The following SMARCA4 variants were observed in gnomAD, a reference collection of about 807,000 sequenced individuals.
The protein encoded by SMARCA4 is SWI/SNF-related matrix-associated actin-dependent regulator of chromatin subfamily A member 4.
Under a neutral mutation model 193.9 loss-of-function variants are expected in SMARCA4, and 31 were observed. The ratio of observed to expected loss-of-function variants is 0.16; its 90% CI spans 0.12 to 0.22. The LOEUF (loss-of-function observed/expected upper bound fraction) is 0.22. Among genes scored for constraint, SMARCA4 ranks in the 10% least tolerant of loss-of-function variants. The pLI, the probability that SMARCA4 is intolerant of heterozygous loss-of-function variation, is 1.00. For synonymous variants in SMARCA4, 942 were observed against 933.1 expected (o/e 1.01, Z -0.17); for missense variants, 1,148 against 2,296.0 (o/e 0.50, Z 10.22).
In SMARCA4 at chr19:11,041,437, A is replaced by G. The variant is rs777893871; in HGVS notation, c.4301A>G (p.Asp1434Gly). ...PTTSTRSRDK[D>G]DESKKQKKRG... ...ACCAGCACCCGCAGCCGCGACAAGG[A>G]CGACGAGAGCAAGAAGCAGAAGAAG... Residue 1434 changes from aspartate (D) to glycine (G), a missense_variant, in exon 30 of 35, where the codon GAC (aspartate) becomes GGC (glycine). Around this residue, in one of 17 missense-constraint regions of SMARCA4, gnomAD observed 141 missense variants for 193.0 expected, o/e 0.73. Coordinates refer to ENST00000344626, the MANE Select transcript of SMARCA4 (RefSeq NM_003072.5). The surrounding 1 kb of genome is among the most constrained non-coding windows in gnomAD (Gnocchi z 5.6). 1 of 1,612,632 alleles carries G rather than the reference A, an allele frequency of 6.2e-7. No homozygotes were observed. Among genetic ancestry groups the G allele is most frequent in the Non-Finnish European group, 8.5e-7 (1 of 1,179,950 alleles).
At chr19:11,011,193 G>C (rs74686233) in intron 15 of SMARCA4, 2 of 153,452 alleles carry the variant, frequency 1.3e-5, no homozygotes, top group Non-Finnish European at 1.4e-5. Flanking sequence ...CCAAAGAACA[G>C]CTCTCTCTGG....
In SMARCA4 at chr19:11,033,552, G is replaced by A. The variant is rs1225248953; in HGVS notation, c.3774+35G>A. On this transcript the variant is annotated intron_variant, in intron 26 of 34. Coordinates refer to ENST00000344626, the MANE Select transcript of SMARCA4 (RefSeq NM_003072.5). The surrounding 1 kb of genome is among the most constrained non-coding windows in gnomAD (Gnocchi z 9.8). ...GCACCGGCCCCGACCCCTCCCCAGC[G>A]TGAATGGTGGACGCGTGAGCGGCTT... 9.3e-6 allele frequency: 14 copies of A among 1,511,184 alleles called. No homozygotes were observed. The highest frequency in any genetic ancestry group is 4.5e-5 in the East Asian group (2 of 44,390). The allele number at this position is 1,511,184 out of a possible 1,614,324, so 93.6% of individuals were successfully genotyped here.
intron 1 of SMARCA4, chr19:10,965,185 G>C (rs1342123165): frequency 6.6e-6 from 1 of 152,250 alleles, no homozygotes; most frequent in East Asian, 1.9e-4. Context: ...TTGAGCGCCT[G>C]CCATGTGCCA....
chr19:10,973,894 A>G (rs1440165877), intron 1 of SMARCA4, among the ~76,000 whole-genome samples: 1 of 152,036 alleles, frequency 6.6e-6, no homozygotes, highest in Non-Finnish European at 1.5e-5. Flanking sequence ...TAGACCACCG[A>G]GGGGAACATT....
At chr19:11,013,778 G>T (rs1353509644) in intron 16 of SMARCA4, among the ~76,000 whole-genome samples, 2 of 152,170 alleles carry the variant, frequency 1.3e-5, no homozygotes, top group African/African-American at 4.8e-5. Flanking sequence ...GCAGTGCCCT[G>T]CAAGGGCCAC....
chr19:10,989,183 A>G (rs1412200027), intron 6 of SMARCA4, 134 bp from the exon 7 acceptor site: 1 of 1,132,652 alleles, frequency 8.8e-7, no homozygotes, highest in Non-Finnish European at 1.3e-6. Context: ...TGCGGCCAGC[A>G]TCCTCTTCTG....
At chr19:11,025,017 G>GA (rs1328237349) in intron 21 of SMARCA4, among the ~76,000 whole-genome samples, 1 of 144,600 alleles carries the variant, frequency 6.9e-6, no homozygotes, top group Non-Finnish European at 1.5e-5. Flanking sequence ...CCTCATCCTG[G>GA]AGCCCAGGGA....
At chr19:10,989,989 C>A (rs541543748) in intron 7 of SMARCA4, among the ~76,000 whole-genome samples, 1 of 151,866 alleles carries the variant, frequency 6.6e-6, no homozygotes, top group African/African-American at 2.4e-5. Context: ...TGAGCCACCA[C>A]GTGCTGTCCT....
intron 34 of SMARCA4, 63 bp downstream of exon 34, chr19:11,060,250 TG>T (rs1400764554): frequency 1.8e-5 from 28 of 1,539,816 alleles, no homozygotes; most frequent in Non-Finnish European, 1.8e-5. Context: ...GGGGCCCTGA[TG>T]GGACAGCCCT....
At chr19:11,005,775 A>T (rs1039093736) in intron 13 of SMARCA4, among the ~76,000 whole-genome samples, 1 of 152,228 alleles carries the variant, frequency 6.6e-6, no homozygotes, top group Non-Finnish European at 1.5e-5. Flanking sequence ...GGCCCACAGT[A>T]AAAGTGCTAC....
At chr19:11,056,371 A>C (rs1439705349) in intron 30 of SMARCA4, 2 of 152,260 alleles carry the variant, frequency 1.3e-5, no homozygotes, top group Non-Finnish European at 2.9e-5. Flanking sequence ...ATGGGAATGC[A>C]GTCTGAGAAG....
chr19:11,044,653 C>G (rs1276319582), intron 30 of SMARCA4, among the ~76,000 whole-genome samples: 2 of 152,232 alleles, frequency 1.3e-5, no homozygotes, highest in East Asian at 3.9e-4. Flanking sequence ...CTGAAGCAGT[C>G]TGGCCTCACA....
rs1292187087 is a variant in SMARCA4, at chr19:11,060,052, C to A, written c.4776C>A (p.Ser1592=). ...EEEGSESESR[S]VKVKIKLGRK... ...CCTCCCGGTCCCCTCCAGCTCGGTC[C>A]GTCAAAGTGAAGATCAAGCTTGGCC... The change falls in exon 34 of 35, where the codon TCC becomes TCA. Residue 1592 remains serine (S), a synonymous_variant. Coordinates refer to ENST00000344626, the MANE Select transcript of SMARCA4 (RefSeq NM_003072.5). The A allele has an allele frequency of 1.3e-6, 2 of 1,562,390 alleles. No individual in the cohort carries two copies. Among genetic ancestry groups the A allele is most frequent in the South Asian group, 1.2e-5 (1 of 85,098 alleles).
At chr19:11,008,459 C>A (rs1488892080) in intron 14 of SMARCA4, 8 of 317,738 alleles carry the variant, frequency 2.5e-5, no homozygotes, top group South Asian at 1.9e-4. Flanking sequence ...TTTCACTGAA[C>A]CTTCCCTCTT....
At chr19:11,060,788 C>G (rs1035886674) in intron 34 of SMARCA4, among the ~76,000 whole-genome samples, 5 of 152,222 alleles carry the variant, frequency 3.3e-5, no homozygotes, top group Non-Finnish European at 7.3e-5. Context: ...GGGGCTGCCC[C>G]CACCGAAGGG....
chr19:10,997,761 C>A (rs545287804), intron 11 of SMARCA4, among the ~76,000 whole-genome samples: 79 of 152,302 alleles, frequency 5.2e-4, no homozygotes, highest in African/African-American at 1.9e-3. Flanking sequence ...GCCCCCGCAC[C>A]TGGCCTTCAC....
chr19:10,998,115 G>A (rs2087258134), intron 11 of SMARCA4, among the ~76,000 whole-genome samples: 3 of 152,100 alleles, frequency 2.0e-5, no homozygotes, highest in African/African-American at 4.8e-5. Flanking sequence ...TTGAACTCCT[G>A]GGCTCAAGTG....
In SMARCA4 at chr19:11,058,697, C is replaced by T; in HGVS notation, c.4534-91C>T. ...CCACATCCTCATAGGCACGAGGAAT[C>T]CTAGCCCGTGGGGTCTCCAGCACAC... On this transcript the variant is annotated intron_variant, in intron 31 of 34. Transcript: ENST00000344626. This position sits in a 1 kb window ranked among gnomAD's most constrained non-coding sequence, Gnocchi z 5.8. 9.0e-7 allele frequency: 1 copy of T among 1,112,526 alleles called. No individual in the cohort carries two copies. The highest frequency in any genetic ancestry group is 1.4e-6 in the Non-Finnish European group (1 of 732,346). The allele number at this position is 1,112,526 out of a possible 1,614,324, so 68.9% of individuals were successfully genotyped here.
intron 30 of SMARCA4, among the ~76,000 whole-genome samples, chr19:11,048,568 G>T (rs904084332): frequency 6.6e-6 from 1 of 152,230 alleles, no homozygotes; most frequent in Admixed American, 6.5e-5. Flanking sequence ...TCAGGAGCCT[G>T]CCTCGCCGAG....
Sources: allele counts gnomAD v4.1 joint callset (sites outside exome capture counted in the v4.1 genomes callset), GRCh38; gene constraint gnomAD v4.1.1; regional missense constraint gnomAD v4.1.1; non-coding constraint Gnocchi (gnomAD v3.1); transcripts MANE v1.5; gene names NCBI Gene and HGNC (gene_info 2026-07-23, HGNC 2026-07-21).